The following TRIM14 variants were observed in gnomAD, a reference collection of about 807,000 sequenced individuals.
TRIM14 encodes the protein tripartite motif-containing protein 14.
In TRIM14, 28 loss-of-function variants were observed where a neutral mutation model predicts 44.5. That is an observed-to-expected ratio of 0.63 (90% confidence interval 0.47 to 0.86). The LOEUF (loss-of-function observed/expected upper bound fraction) is 0.86. TRIM14 is among the 40% of genes least tolerant of loss of function. The pLI is 0.00. For missense variants in TRIM14, 607 were observed against 611.1 expected (o/e 0.99, Z 0.07); for synonymous variants, 299 against 269.2 (o/e 1.11, Z -1.08).
chr9:98,094,978 G>A lies in TRIM14; in HGVS notation c.589C>T (p.Leu197=). ...EMQQQMSLGE[L]CHPVPLSFEP... The stretch of plus-strand genomic sequence containing the variant: ...AAGGAGAGGGGCACGGGATGGCACA[G>A]CTCCCCGAGGCTCATCTGCTGCTGC... Residue 197 remains leucine, a synonymous_variant, in exon 4 of 6, where the codon CTG becomes TTG. Transcript: ENST00000341469. 1.9e-6 allele frequency: 3 copies of A among 1,614,182 alleles called. No individual in the cohort carries two copies. Among genetic ancestry groups the A allele is most frequent in the Non-Finnish European group, 2.5e-6 (3 of 1,180,022 alleles).
At chr9:98,072,157 T>C (rs1829365851) in intron 6 of TRIM14, among the ~76,000 whole-genome samples, 2 of 152,144 alleles carry the variant, frequency 1.3e-5, no homozygotes, top group African/African-American at 4.8e-5. Flanking sequence ...GGAGCCGCAG[T>C]GGCCCCCGTC....
intron 1 of TRIM14, among the ~76,000 whole-genome samples, chr9:98,113,314 C>T (rs1191694137): frequency 6.6e-6 from 1 of 151,990 alleles, no homozygotes; most frequent in East Asian, 1.9e-4. Flanking sequence ...GTAGTCAAAG[C>T]TGACTGAAAT....
At chr9:98,047,118 G>C in the TRIM14 span, among the ~76,000 whole-genome samples, 1 of 152,156 alleles carries the variant, frequency 6.6e-6, no homozygotes, top group Non-Finnish European at 1.5e-5. Flanking sequence ...TAGTGGGAGA[G>C]AATTAAATCA....
the TRIM14 span, among the ~76,000 whole-genome samples, chr9:98,060,265 G>A: frequency 6.6e-6 from 1 of 152,188 alleles, no homozygotes; most frequent in African/African-American, 2.4e-5. Context: ...AAAATAGGGG[G>A]AGGTCTCCCA....
downstream of TRIM14, among the ~76,000 whole-genome samples, chr9:98,079,637 C>T (rs1829759718): frequency 6.6e-6 from 1 of 152,092 alleles, no homozygotes; most frequent in Admixed American, 6.6e-5. Flanking sequence ...GTAAACATCC[C>T]CTGCACTCCC....
chr9:98,087,185 G>C lies in TRIM14; in HGVS notation c.*285C>G. 1.4e-6 allele frequency: 1 copy of C among 716,500 alleles called. No individual in the cohort carries two copies. Among genetic ancestry groups the C allele is most frequent in the East Asian group, 2.7e-5 (1 of 37,204 alleles). 44.4% of individuals were successfully genotyped at this position (716,500 alleles called of 1,614,324 possible). A position where few individuals can be genotyped will look rare whatever the true frequency, so the allele number is the denominator to read the frequency against. ...AGGATGCTGAGGGCTTACCTGTGGG[G>C]GTATCACTTTGAAGGAACTGGATTA... On this transcript the variant is annotated 3_prime_UTR_variant, in exon 6 of 6. Coordinates refer to ENST00000341469, the MANE Select transcript of TRIM14 (RefSeq NM_014788.4).
At chr9:98,062,852 T>C in the TRIM14 span, among the ~76,000 whole-genome samples, 1 of 151,150 alleles carries the variant, frequency 6.6e-6, no homozygotes, top group African/African-American at 2.4e-5. Flanking sequence ...CTCTGTGTTC[T>C]TTCTTACAGC....
At chr9:98,106,759 A>G (rs771078958) in intron 2 of TRIM14, among the ~76,000 whole-genome samples, 1 of 152,146 alleles carries the variant, frequency 6.6e-6, no homozygotes, top group East Asian at 1.9e-4. Flanking sequence ...ATTCTCCCCA[A>G]ATTGATAAAC....
At position 98,084,472 on chromosome 9, in the gene TRIM14, AGAG is replaced by A. The variant is rs1419932807; in HGVS notation, c.*2995_*2997del. On this transcript the variant is annotated 3_prime_UTR_variant, in exon 6 of 6. Coordinates refer to ENST00000341469, the MANE Select transcript of TRIM14 (RefSeq NM_014788.4). ...AAATGTCTACAGATTCAAGTCTGAA[AGAG>A]AAGAAGGTAAGTGATCAGTAACCCT... is the stretch of plus-strand genomic sequence containing the variant. 3 of 152,222 alleles carry A rather than the reference AGAG, an allele frequency of 2.0e-5. No homozygotes were observed. Among genetic ancestry groups the A allele is most frequent in the Non-Finnish European group, 4.4e-5 (3 of 68,046 alleles). The allele number at this position is 152,222 out of a possible 1,614,324, so 9.4% of individuals were successfully genotyped here.
chr9:98,114,038 C>T (rs917351905), intron 1 of TRIM14, among the ~76,000 whole-genome samples: 26 of 152,088 alleles, frequency 1.7e-4, no homozygotes, highest in Non-Finnish European at 2.6e-4. Context: ...AACCAGGACC[C>T]CTGGAAGTCC....
At chr9:98,110,986 G>A (rs1038105156) in intron 1 of TRIM14, among the ~76,000 whole-genome samples, 7 of 151,730 alleles carry the variant, frequency 4.6e-5, no homozygotes, top group African/African-American at 1.7e-4. Flanking sequence ...GGAGGTTGCA[G>A]TGAGCCATGA....
the TRIM14 span, chr9:98,056,970 T>G: frequency 1.9e-6 from 3 of 1,547,428 alleles, no homozygotes; most frequent in Non-Finnish European, 2.6e-6. Flanking sequence ...GACCCGGGAT[T>G]CGGGCGCCGG....
At chr9:98,046,646 G>T in the TRIM14 span, among the ~76,000 whole-genome samples, 1 of 151,982 alleles carries the variant, frequency 6.6e-6, no homozygotes, top group African/African-American at 2.4e-5. Flanking sequence ...TCACCATATT[G>T]GCCAGGCTGA....
chr9:98,083,523 G>C (rs1347121721), downstream of TRIM14, among the ~76,000 whole-genome samples: 1 of 152,194 alleles, frequency 6.6e-6, no homozygotes, highest in African/African-American at 2.4e-5. Flanking sequence ...ATCAGAGAAA[G>C]GACTGGTCAA....
At chr9:98,046,262 G>T in the TRIM14 span, among the ~76,000 whole-genome samples, 1 of 152,062 alleles carries the variant, frequency 6.6e-6, no homozygotes. Context: ...TTATACATGC[G>T]TAAGTATTAG....
At chr9:98,110,971 GC>G (rs1264292723) in intron 1 of TRIM14, among the ~76,000 whole-genome samples, 1 of 151,346 alleles carries the variant, frequency 6.6e-6, no homozygotes, top group East Asian at 2.0e-4. Context: ...GGTCACCTAA[GC>G]CCAGGAGGTT....
chr9:98,054,304 A>G, the TRIM14 span, among the ~76,000 whole-genome samples: 1 of 152,192 alleles, frequency 6.6e-6, no homozygotes, highest in Non-Finnish European at 1.5e-5. Flanking sequence ...TCCCTAACCA[A>G]GAATTCCAAG....
chr9:98,090,901 AATT>A lies in TRIM14; in HGVS notation c.793+1005_793+1007del, dbSNP rs1162764657. 5.3e-5 allele frequency among the ~76,000 whole-genome samples: 8 copies of A among 152,160 alleles called. No individual in the cohort carries two copies. The East Asian group carries it at 7.7e-4, about 15-fold the overall frequency. Reference sequence around the variant, plus strand: ...TGTTAGCCTTTGTATGGAAAATGTAAATTTATTCAGTGCCTCTGTTTTGATATT... The same window carrying A: ...TGTTAGCCTTTGTATGGAAAATGTAATATTCAGTGCCTCTGTTTTGATATT... On this transcript the variant is annotated intron_variant, in intron 5 of 5. Transcript: ENST00000341469.
chr9:98,061,055 G>C, the TRIM14 span: 2 of 1,560,810 alleles, frequency 1.3e-6, no homozygotes, highest in Non-Finnish European at 1.8e-6. Context: ...TCAGCAGGCA[G>C]CCTGGTGACT....
Sources: gnomAD v4.1 joint callset for allele counts (sites outside exome capture counted in the v4.1 genomes callset) on GRCh38, gnomAD v4.1.1 for gene constraint, MANE v1.5 for transcripts, NCBI Gene and HGNC (gene_info 2026-07-23, HGNC 2026-07-21) for gene names.